Variants in SEMA5A observed in about 807,000 individuals in gnomAD.
SEMA5A encodes the protein semaphorin 5A.
SEMA5A carries 55 observed loss-of-function variants against 135.5 expected under a neutral mutation model. The observed-to-expected ratio is 0.41, with a 90% CI of 0.33 to 0.51. The LOEUF (loss-of-function observed/expected upper bound fraction) is 0.51. SEMA5A is among the 20% of genes least tolerant of loss of function. SEMA5A has a pLI of 0.37. For missense variants in SEMA5A, 1,290 were observed against 1,419.9 expected (o/e 0.91, Z 1.47); for synonymous variants, 580 against 546.5 (o/e 1.06, Z -0.85).
At chr5:9,052,630 C>A (rs1021740166) in intron 19 of SEMA5A, among the ~76,000 whole-genome samples, 1 of 152,026 alleles carries the variant, frequency 6.6e-6, no homozygotes, top group African/African-American at 2.4e-5. Context: ...CATCTTATCT[C>A]GTGTTTGCTG....
chr5:9,056,828 T>A (rs1358149717), intron 18 of SEMA5A, among the ~76,000 whole-genome samples: 2 of 152,252 alleles, frequency 1.3e-5, no homozygotes, highest in African/African-American at 2.4e-5. Flanking sequence ...TGCATTCTCA[T>A]GTTCACTGCA....
intron 1 of SEMA5A, among the ~76,000 whole-genome samples, chr5:9,494,615 CT>C (rs1735210301): frequency 6.9e-6 from 1 of 144,078 alleles, no homozygotes; most frequent in South Asian, 2.5e-4. Context: ...CAATGCCCCC[CT>C]GAACCAAACT....
intron 1 of SEMA5A, among the ~76,000 whole-genome samples, chr5:9,523,948 G>T (rs147637390): frequency 5.3e-5 from 8 of 152,264 alleles, no homozygotes; most frequent in African/African-American, 1.9e-4. Context: ...ATTAAGATGA[G>T]GTCTAATATG....
intron 2 of SEMA5A, among the ~76,000 whole-genome samples, chr5:9,395,224 C>G (rs1756335929): frequency 1.3e-5 from 2 of 152,082 alleles, no homozygotes; most frequent in African/African-American, 4.8e-5. Context: ...AGCAGAAAAC[C>G]ATGGAGGGAA....
Position 9,400,671 on chromosome 5 carries a change from T to C in SEMA5A, c.-77-20648A>G, listed in dbSNP as rs561519011. Among the ~76,000 whole-genome samples the C allele has an allele frequency of 2.6e-5, 3 of 117,266 alleles. 1 individual carries two copies. Among genetic ancestry groups the C allele is most frequent in the Non-Finnish European group, 5.2e-5 (3 of 57,220 alleles). The allele number at this position is 117,266 out of a possible 152,430, so 76.9% of individuals were successfully genotyped here. On this transcript the variant is annotated intron_variant, in intron 2 of 22. Coordinates refer to ENST00000382496, the MANE Select transcript of SEMA5A (RefSeq NM_003966.3). ...ACAGGCGCCCGCCACTACGCCCGGC[T>C]AATTTTTTGTATTTTTAGTAGAGAC...
intron 5 of SEMA5A, among the ~76,000 whole-genome samples, chr5:9,305,875 G>T (rs1007250788): frequency 1.3e-5 from 2 of 152,008 alleles, no homozygotes; most frequent in African/African-American, 4.8e-5. Context: ...TCATCTTCCA[G>T]AATTGCACTA....
intron 2 of SEMA5A, among the ~76,000 whole-genome samples, chr5:9,429,501 C>CA (rs1249053999): frequency 3.9e-5 from 6 of 152,184 alleles, no homozygotes; most frequent in African/African-American, 1.4e-4. Flanking sequence ...AATTGATAAA[C>CA]AAAATATCTC....
chr5:9,064,347 T>C (rs983930457), intron 17 of SEMA5A, among the ~76,000 whole-genome samples: 1 of 152,214 alleles, frequency 6.6e-6, no homozygotes, highest in South Asian at 2.1e-4. Context: ...TGCGCACGTA[T>C]GTTTATGGAG....
chr5:9,302,397 C>T (rs1751653691), intron 5 of SEMA5A, among the ~76,000 whole-genome samples: 1 of 152,222 alleles, frequency 6.6e-6, no homozygotes, highest in Non-Finnish European at 1.5e-5. Context: ...TGGATCATCT[C>T]TCAGCTGTCT....
At chr5:9,251,517 ACT>A (rs1326971390) in intron 5 of SEMA5A, among the ~76,000 whole-genome samples, 41 of 152,244 alleles carry the variant, frequency 2.7e-4, no homozygotes, top group Middle Eastern at 3.4e-3. Flanking sequence ...TTTAGGTATG[ACT>A]CTGATTTCTC....
At chr5:9,512,390 G>A (rs1191672445) in intron 1 of SEMA5A, among the ~76,000 whole-genome samples, 1 of 152,148 alleles carries the variant, frequency 6.6e-6, no homozygotes. Context: ...AATAGGTATC[G>A]TTACTTTTCA....
chr5:9,435,461 AG>A (rs1757996356), intron 2 of SEMA5A, among the ~76,000 whole-genome samples: 1 of 152,354 alleles, frequency 6.6e-6, no homozygotes, highest in East Asian at 1.9e-4. Context: ...AACCATGTCA[AG>A]CAATAGAACA....
At chr5:9,203,359 G>A (rs1030728286) in intron 8 of SEMA5A, among the ~76,000 whole-genome samples, 2 of 152,192 alleles carry the variant, frequency 1.3e-5, no homozygotes, top group Non-Finnish European at 2.9e-5. Context: ...GTTTGTTGGG[G>A]CAATTCAATT....
At chr5:9,206,782 A>G (rs1192804652) in intron 8 of SEMA5A, among the ~76,000 whole-genome samples, 2 of 149,158 alleles carry the variant, frequency 1.3e-5, no homozygotes, top group African/African-American at 4.9e-5. Context: ...GTCAGGCTGG[A>G]AAATGCCTGT....
chr5:9,467,467 A>G (rs11134359), intron 1 of SEMA5A, among the ~76,000 whole-genome samples: 62,412 of 151,912 alleles, frequency 0.41, 13,325 homozygotes, highest in Non-Finnish European at 0.46. Flanking sequence ...TTAGAACTCC[A>G]GGCACCTTCC....
rs1272467281 is a variant in SEMA5A, at chr5:9,035,111, A to G, written c.*7786T>C. 1 of 152,598 alleles carries G rather than the reference A, an allele frequency of 6.6e-6. No homozygotes were observed. Among genetic ancestry groups the G allele is most frequent in the East Asian group, 1.9e-4 (1 of 5,196 alleles). The allele number at this position is 152,598 out of a possible 1,614,324, so 9.5% of individuals were successfully genotyped here. A position where few individuals can be genotyped will look rare whatever the true frequency, so the allele number is the denominator to read the frequency against. ...ACTATTTACATAAAACATAAGTACAAAAAATATAATACAATTTATACTGTA... is the reference window on the plus strand; with the variant it reads ...ACTATTTACATAAAACATAAGTACAGAAAATATAATACAATTTATACTGTA... On this transcript the variant is annotated 3_prime_UTR_variant, in exon 23 of 23. Transcript: ENST00000382496.
At chr5:9,357,590 G>T (rs960584454) in intron 3 of SEMA5A, among the ~76,000 whole-genome samples, 2 of 152,174 alleles carry the variant, frequency 1.3e-5, no homozygotes, top group Non-Finnish European at 2.9e-5. Flanking sequence ...CAGTATAACT[G>T]CAAACTCTGG....
chr5:9,182,563 C>T (rs1374181524), intron 11 of SEMA5A, among the ~76,000 whole-genome samples: 2 of 152,066 alleles, frequency 1.3e-5, no homozygotes, highest in East Asian at 1.9e-4. Context: ...TTTTGTCCCC[C>T]TAAGAACCAA....
intron 11 of SEMA5A, among the ~76,000 whole-genome samples, chr5:9,176,570 A>C (rs184851822): frequency 1.3e-5 from 2 of 152,350 alleles, no homozygotes; most frequent in Admixed American, 6.5e-5. Flanking sequence ...GTTGTACAAC[A>C]ATGCAAGAAT....
Sources: allele counts gnomAD v4.1 joint callset (sites outside exome capture counted in the v4.1 genomes callset), GRCh38; gene constraint gnomAD v4.1.1; transcripts MANE v1.5; gene names NCBI Gene and HGNC (gene_info 2026-07-23, HGNC 2026-07-21).